Variants in CHRM4 observed in about 807,000 individuals in gnomAD.
CHRM4 encodes muscarinic acetylcholine receptor M4.
CHRM4 carries 5 observed loss-of-function variants against 26.3 expected under a neutral mutation model. The observed-to-expected ratio is 0.19, with a 90% CI of 0.10 to 0.40. The LOEUF (loss-of-function observed/expected upper bound fraction) is 0.40. Ranked by LOEUF, CHRM4 falls within the 10% of genes least tolerant of loss-of-function variation. The pLI is 1.00. For missense variants in CHRM4, 402 were observed against 664.5 expected, an observed-to-expected ratio of 0.60 and a Z score of 4.34; for synonymous variants, 290 against 285.3, an observed-to-expected ratio of 1.02 and a Z score of -0.16.
chr11:46,388,766 T>A (rs1945366204), intron 1 of CHRM4, among the ~76,000 whole-genome samples: 1 of 151,830 alleles, frequency 6.6e-6, no homozygotes, highest in Non-Finnish European at 1.5e-5. Context: ...CCCCAATCAC[T>A]CACGTGGAGG....
chr11:46,388,178 C>T (rs527542849), intron 1 of CHRM4, among the ~76,000 whole-genome samples: 10 of 152,212 alleles, frequency 6.6e-5, no homozygotes, highest in African/African-American at 9.7e-5. Context: ...ATCACAGCCA[C>T]GCCAGCCCAG....
Position 46,386,015 on chromosome 11 carries a change from G to T in CHRM4, c.543C>A (p.Pro181=). The change falls in exon 2 of 2, where the codon CCC becomes CCA. Residue 181 remains proline, a synonymous_variant. Coordinates refer to ENST00000682254, the MANE Select transcript of CHRM4 (RefSeq NM_000741.5). This position sits in a 1 kb window ranked among gnomAD's most constrained non-coding sequence, Gnocchi z 5.8. ...WQFVVGKRTV[P]DNQCFIQFLS... ...GGAACTGGATGAAGCACTGGTTGTC[G>T]GGCACCGTCCGCTTACCCACCACAA... is the stretch of plus-strand genomic sequence containing the variant. 6.2e-7 allele frequency: 1 copy of T among 1,613,104 alleles called. No individual in the cohort carries two copies. Among genetic ancestry groups the T allele is most frequent in the Non-Finnish European group, 8.5e-7 (1 of 1,179,772 alleles).
Position 46,385,316 on chromosome 11 carries a change from C to T in CHRM4, c.1242G>A (p.Thr414=), listed in dbSNP as rs200723841. ...AILLAFILTW[T]PYNVMVLVNT... Reference sequence around the variant, plus strand: ...TCACCAGGACCATGACGTTGTAGGGCGTCCAGGTGAGGATGAAGGCTAGCA... The same window carrying T: ...TCACCAGGACCATGACGTTGTAGGGTGTCCAGGTGAGGATGAAGGCTAGCA... Residue 414 remains threonine, a synonymous_variant, in exon 2 of 2, where the codon ACG becomes ACA. Transcript: ENST00000682254. The surrounding 1 kb of genome is among the most constrained non-coding windows in gnomAD (Gnocchi z 6.3). The T allele has an allele frequency of 7.4e-6, 12 of 1,613,684 alleles. No individual in the cohort carries two copies. Among genetic ancestry groups the T allele is most frequent in the Admixed American group, 5.0e-5 (3 of 59,990 alleles).
In CHRM4 at chr11:46,386,468, C is replaced by T. The variant is rs201359859; in HGVS notation, c.90G>A (p.Val30=). 21 of 1,613,828 alleles carry T rather than the reference C, an allele frequency of 1.3e-5. No homozygotes were observed. Among genetic ancestry groups the T allele is most frequent in the Non-Finnish European group, 1.8e-5 (21 of 1,179,892 alleles). ...TSSSHNRYET[V]EMVFIATVTG... is the part of the protein sequence containing the mutation. ...TCACTGTGGCAATGAAGACCATTTC[C>T]ACCGTCTCATAGCGATTGTGGGATG... The change falls in exon 2 of 2, where the codon GTG becomes GTA. Residue 30 remains valine, a synonymous_variant. Transcript: ENST00000682254. The surrounding 1 kb of genome is among the most constrained non-coding windows in gnomAD (Gnocchi z 5.8).
At chr11:46,387,705 C>G (rs1213088994) in intron 1 of CHRM4, among the ~76,000 whole-genome samples, 1 of 152,316 alleles carries the variant, frequency 6.6e-6, no homozygotes, top group East Asian at 1.9e-4. Context: ...GTGCATGGAG[C>G]TGGGCACCCC....
In CHRM4 at chr11:46,384,867, C is replaced by G. The variant is rs776739989; in HGVS notation, c.*251G>C. 7.6e-4 allele frequency among the ~76,000 whole-genome samples: 116 copies of G among 152,370 alleles called. No homozygotes were observed. The highest frequency in any genetic ancestry group is 1.4e-3 in the Non-Finnish European group (93 of 68,030). On this transcript the variant is annotated 3_prime_UTR_variant, in exon 2 of 2. Transcript: ENST00000682254. ...GCAGGTGCCCACCCAGGCCAGTGCC[C>G]CGCAGCTCGCTGAAGCAGGGCCACA...
At chr11:46,390,047 T>C (rs1565105969) in intron 1 of CHRM4, among the ~76,000 whole-genome samples, 3 of 152,182 alleles carry the variant, frequency 2.0e-5, no homozygotes, top group Admixed American at 1.3e-4. Flanking sequence ...CGGGTGCCTC[T>C]ACACCTGTGG....
chr11:46,385,338 A>G lies in CHRM4; in HGVS notation c.1220T>C (p.Leu407Pro). 1 of 1,612,462 alleles carries G rather than the reference A, an allele frequency of 6.2e-7. No homozygotes were observed. The highest frequency in any genetic ancestry group is 8.5e-7 in the Non-Finnish European group (1 of 1,178,618). ...KVTRTIFAIL[L>P]AFILTWTPYN... ...GGGCGTCCAGGTGAGGATGAAGGCT[A>G]GCAGAATGGCAAAGATCGTTCGTGT... is the stretch of plus-strand genomic sequence containing the variant. The change falls in exon 2 of 2, where the codon CTA (leucine) becomes CCA (proline). Residue 407 changes from leucine (L) to proline (P), a missense_variant. Physicochemically the swap from Leu to Pro is moderately conservative, Grantham distance 98 (BLOSUM62 -3). This residue lies in a region of CHRM4 where 55 missense variants were observed against 126.4 expected (regional missense o/e 0.44). Transcript: ENST00000682254. This position sits in a 1 kb window ranked among gnomAD's most constrained non-coding sequence, Gnocchi z 6.3.
At chr11:46,387,833 G>A (rs893296747) in intron 1 of CHRM4, among the ~76,000 whole-genome samples, 5 of 152,222 alleles carry the variant, frequency 3.3e-5, no homozygotes, top group Admixed American at 3.3e-4. Flanking sequence ...AGGCAGTGCA[G>A]GGGTCACTAG....
At position 46,386,929 on chromosome 11, in the gene CHRM4, G is replaced by T. The variant is rs1465991168; in HGVS notation, c.-29-343C>A. 1.3e-5 allele frequency among the ~76,000 whole-genome samples: 2 copies of T among 152,220 alleles called. No homozygotes were observed. ...GGACAGGCATGACTCCTTGCTAGGT[G>T]GCCTCACCCACCAGGTCATCTGGGT... On this transcript the variant is annotated intron_variant, in intron 1 of 1. Transcript: ENST00000682254. This position sits in a 1 kb window ranked among gnomAD's most constrained non-coding sequence, Gnocchi z 5.8.
chr11:46,390,863 G>A (rs896391180), intron 1 of CHRM4, among the ~76,000 whole-genome samples: 1 of 152,250 alleles, frequency 6.6e-6, no homozygotes, highest in African/African-American at 2.4e-5. Context: ...GTGGTTTGGG[G>A]TGTAGGTCTT....
chr11:46,385,178 A>G lies in CHRM4; in HGVS notation c.1380T>C (p.Phe460=). Residue 460 remains phenylalanine, a synonymous_variant, in exon 2 of 2, where the codon TTT becomes TTC. Transcript: ENST00000682254. This position sits in a 1 kb window ranked among gnomAD's most constrained non-coding sequence, Gnocchi z 6.3. ...PACYALCNAT[F]KKTFRHLLLC... is the part of the protein sequence containing the mutation. ...GCAGCAGGTGCCGGAAGGTCTTTTT[A>G]AAGGTGGCGTTGCACAGAGCATAGC... The G allele has an allele frequency of 1.2e-6, 2 of 1,613,832 alleles. No individual in the cohort carries two copies. Among genetic ancestry groups the G allele is most frequent in the Non-Finnish European group, 1.7e-6 (2 of 1,179,830 alleles).
chr11:46,391,626 C>T lies in CHRM4; in HGVS notation c.-125G>A, dbSNP rs1945394250. On this transcript the variant is annotated 5_prime_UTR_variant, in exon 1 of 2. Transcript: ENST00000682254. The surrounding 1 kb of genome is among the most constrained non-coding windows in gnomAD (Gnocchi z 6.3). ...CGCCGCGGAGCCACTTACCCGCCGC[C>T]TCTGCCCAGCTCCCCTCGCGCCAGA... Among the ~76,000 whole-genome samples, 1 of 151,210 alleles carries T rather than the reference C, an allele frequency of 6.6e-6. No individual in the cohort carries two copies. Among genetic ancestry groups the T allele is most frequent in the Admixed American group, 6.6e-5 (1 of 15,196 alleles).
intron 1 of CHRM4, among the ~76,000 whole-genome samples, chr11:46,389,496 G>A (rs1945372627): frequency 6.6e-6 from 1 of 152,226 alleles, no homozygotes. Context: ...CCCCTCTGGC[G>A]CCTTCCCTGG....
At position 46,385,087 on chromosome 11, in the gene CHRM4, C is replaced by T. The variant is rs763867378; in HGVS notation, c.*31G>A. On this transcript the variant is annotated 3_prime_UTR_variant, in exon 2 of 2. Coordinates refer to ENST00000682254, the MANE Select transcript of CHRM4 (RefSeq NM_000741.5). The surrounding 1 kb of genome is among the most constrained non-coding windows in gnomAD (Gnocchi z 6.3). ...TGGTCCCCCCAGCACACGCACGCAA[C>T]ACCAGCACCTCCTAGGGCACTCCTG... 3.9e-6 allele frequency: 6 copies of T among 1,557,742 alleles called. No individual in the cohort carries two copies. The highest frequency in any genetic ancestry group is 4.7e-5 in the East Asian group (2 of 42,824).
intron 1 of CHRM4, among the ~76,000 whole-genome samples, chr11:46,388,790 G>A (rs1945366479): frequency 6.6e-6 from 1 of 152,210 alleles, no homozygotes; most frequent in Non-Finnish European, 1.5e-5. Context: ...GGACAGGGCA[G>A]GCAGGAGTAA....
In CHRM4 at chr11:46,386,990, T is replaced by TGGGACAAA. The variant is rs1156715601; in HGVS notation, c.-29-405_-29-404insTTTGTCCC. Reference sequence around the variant, plus strand: ...CAGCCACAGGAGGAGCTGTGGAGAGTGGCCCTGCCAGGGGCAGTAGCCACA... The same window carrying TGGGACAAA: ...CAGCCACAGGAGGAGCTGTGGAGAGTGGGACAAAGGCCCTGCCAGGGGCAGTAGCCACA... On this transcript the variant is annotated intron_variant, in intron 1 of 1. Transcript: ENST00000682254. The surrounding 1 kb of genome is among the most constrained non-coding windows in gnomAD (Gnocchi z 5.8). Among the ~76,000 whole-genome samples, 6 of 143,156 alleles carry TGGGACAAA rather than the reference T, an allele frequency of 4.2e-5. No homozygotes were observed. Among genetic ancestry groups the TGGGACAAA allele is most frequent in the South Asian group, 2.1e-4 (1 of 4,668 alleles). The allele number at this position is 143,156 out of a possible 152,430, so 93.9% of individuals were successfully genotyped here.
intron 1 of CHRM4, among the ~76,000 whole-genome samples, chr11:46,390,339 G>A (rs747440033): frequency 2.6e-5 from 4 of 152,224 alleles, no homozygotes; most frequent in Admixed American, 6.5e-5. Flanking sequence ...CAGAGTCCTA[G>A]CCTCTGACTG....
chr11:46,386,081 C>T lies in CHRM4; in HGVS notation c.477G>A (p.Leu159=). The change falls in exon 2 of 2, where the codon CTG becomes CTA. Residue 159 remains leucine (L), a synonymous_variant. Coordinates refer to ENST00000682254, the MANE Select transcript of CHRM4 (RefSeq NM_000741.5). The surrounding 1 kb of genome is among the most constrained non-coding windows in gnomAD (Gnocchi z 5.8). ...AGLMIAAAWV[L]SFVLWAPAIL... ...TGGCAGGCGCCCAGAGCACGAAGGACAGTACCCAGGCAGCAGCAATCATGA... is the reference window on the plus strand; with the variant it reads ...TGGCAGGCGCCCAGAGCACGAAGGATAGTACCCAGGCAGCAGCAATCATGA... 6.2e-7 allele frequency: 1 copy of T among 1,613,342 alleles called. No homozygotes were observed. Among genetic ancestry groups the T allele is most frequent in the Non-Finnish European group, 8.5e-7 (1 of 1,179,720 alleles).
Sources: allele counts gnomAD v4.1 joint callset (sites outside exome capture counted in the v4.1 genomes callset), GRCh38; gene constraint gnomAD v4.1.1; regional missense constraint gnomAD v4.1.1; non-coding constraint Gnocchi (gnomAD v3.1); transcripts MANE v1.5; gene names NCBI Gene and HGNC (gene_info 2026-07-23, HGNC 2026-07-21).